The following PRPF6 variants were observed in gnomAD, a reference collection of about 807,000 sequenced individuals.
The protein encoded by PRPF6 is pre-mRNA-processing factor 6.
PRPF6 carries 42 observed loss-of-function variants against 118.3 expected under a neutral mutation model. That is an observed-to-expected ratio of 0.35 (90% CI 0.28 to 0.46). PRPF6 has a LOEUF of 0.46. PRPF6 is among the 20% of genes least tolerant of loss of function. The probability of loss-of-function intolerance (pLI) is 1.00; values close to 1 mark genes in which losing one functional copy is unlikely to be tolerated. For synonymous variants in PRPF6, 481 were observed against 485.1 expected (o/e 0.99, Z 0.11); for missense variants, 662 against 1,255.7 (o/e 0.53, Z 7.15).
intron 12 of PRPF6, among the ~76,000 whole-genome samples, chr20:64,020,625 G>A (rs816925): frequency 0.47 from 71,618 of 151,780 alleles, 17,773 homozygotes; most frequent in African/African-American, 0.6. Flanking sequence ...AAAAGATAAA[G>A]TCATTCTTGA....
intron 14 of PRPF6, 130 bp downstream of exon 14, chr20:64,024,823 GGCT>G (rs2059281093): frequency 2.2e-6 from 3 of 1,381,386 alleles, no homozygotes; most frequent in Non-Finnish European, 2.9e-6. Flanking sequence ...GGAGTCCAGG[GGCT>G]GCTCCACAGG....
intron 3 of PRPF6, among the ~76,000 whole-genome samples, chr20:63,989,519 A>G (rs991326771): frequency 1.3e-5 from 2 of 152,278 alleles, no homozygotes; most frequent in East Asian, 1.9e-4. Context: ...ACATTTATTC[A>G]TAAGTCTAGA....
At chr20:63,989,837 A>G (rs1440567359) in intron 3 of PRPF6, among the ~76,000 whole-genome samples, 1 of 152,158 alleles carries the variant, frequency 6.6e-6, no homozygotes, top group East Asian at 1.9e-4. Flanking sequence ...ACATGTAATC[A>G]TAACTTCCTG....
intron 19 of PRPF6, among the ~76,000 whole-genome samples, chr20:64,030,886 C>T (rs1046515735): frequency 2.0e-5 from 3 of 152,188 alleles, no homozygotes; most frequent in South Asian, 2.1e-4. Context: ...GGAGGCTCCT[C>T]GTGTTGTCTC....
At chr20:63,987,716 T>C (rs1209375207) in intron 3 of PRPF6, among the ~76,000 whole-genome samples, 5 of 152,162 alleles carry the variant, frequency 3.3e-5, no homozygotes, top group African/African-American at 1.2e-4. Context: ...CTAAAGACTC[T>C]ACCAAAACAC....
In PRPF6 at chr20:64,017,921, A is replaced by C. The variant is rs530649266; in HGVS notation, c.1647+1076A>C. Among the ~76,000 whole-genome samples, 15 of 152,214 alleles carry C rather than the reference A, an allele frequency of 9.9e-5. 1 individual carries two copies. The highest frequency in any genetic ancestry group is 4.6e-4 in the Admixed American group (7 of 15,280). On this transcript the variant is annotated intron_variant, in intron 12 of 20. Coordinates refer to ENST00000266079, the MANE Select transcript of PRPF6 (RefSeq NM_012469.4). ...CAGACCTTACTCAAATCTCACCCAC[A>C]GGCTGGGCATGGGGCTGACGCCTGT...
intron 3 of PRPF6, among the ~76,000 whole-genome samples, chr20:63,991,802 A>T (rs1039039683): frequency 5.3e-5 from 8 of 152,036 alleles, no homozygotes; most frequent in African/African-American, 1.7e-4. Flanking sequence ...AAAAAAAAAA[A>T]GTAGTGTACT....
At chr20:64,019,665 A>G (rs1290917042) in intron 12 of PRPF6, among the ~76,000 whole-genome samples, 3 of 152,234 alleles carry the variant, frequency 2.0e-5, no homozygotes, top group Admixed American at 2.0e-4. Flanking sequence ...ATCAGAAATC[A>G]CAGAGAGGGG....
chr20:64,027,217 C>T lies in PRPF6; in HGVS notation c.2205+59C>T. 1.3e-6 allele frequency: 2 copies of T among 1,597,284 alleles called. No individual in the cohort carries two copies. The highest frequency in any genetic ancestry group is 2.2e-5 in the East Asian group (1 of 44,530). ...GACCCGGCATTCACAAAACTGAGCC[C>T]CCTGGTGCAGGGTCATTGCCCTTCG... On this transcript the variant is annotated intron_variant, in intron 16 of 20. Transcript: ENST00000266079. The surrounding 1 kb of genome is among the most constrained non-coding windows in gnomAD (Gnocchi z 6.5).
At chr20:64,024,000 C>G (rs989932210) in intron 13 of PRPF6, among the ~76,000 whole-genome samples, 1 of 152,186 alleles carries the variant, frequency 6.6e-6, no homozygotes, top group Non-Finnish European at 1.5e-5. Context: ...GTCTTGCTGT[C>G]GCACTCACTG....
At chr20:64,022,935 T>C (rs201154718) in intron 13 of PRPF6, 57 bp downstream of exon 13, 2 of 1,612,696 alleles carry the variant, frequency 1.2e-6, no homozygotes, top group Admixed American at 1.7e-5. Context: ...GCTCCATTTG[T>C]GTAGCCCTGA....
At chr20:63,986,636 C>A (rs991966947) in intron 3 of PRPF6, among the ~76,000 whole-genome samples, 7 of 151,060 alleles carry the variant, frequency 4.6e-5, no homozygotes, top group Non-Finnish European at 7.4e-5. Flanking sequence ...CTACAGTTGC[C>A]CGCCACCACG....
chr20:64,002,790 C>T (rs1291740792), intron 9 of PRPF6, among the ~76,000 whole-genome samples: 1 of 151,468 alleles, frequency 6.6e-6, no homozygotes, highest in Non-Finnish European at 1.5e-5. Flanking sequence ...ACTACAGGCA[C>T]CTGCCACCAC....
intron 9 of PRPF6, among the ~76,000 whole-genome samples, chr20:64,003,932 A>G (rs1233635004): frequency 2.0e-5 from 3 of 152,244 alleles, no homozygotes; most frequent in Non-Finnish European, 4.4e-5. Context: ...GGCCAGGAAC[A>G]GAAAGTTAGC....
rs762659018 is a variant in PRPF6 at position 63,995,508 on chromosome 20, T to C, written c.771+26T>C. 8.1e-6 allele frequency: 13 copies of C among 1,613,758 alleles called. No homozygotes were observed. The Admixed American group carries it at 2.2e-4, about 27-fold the overall frequency. The stretch of plus-strand genomic sequence containing the variant: ...GTGAGTTTGTCACACAGCATTTTCC[T>C]GTGGACAGGTTTAGACAGTTTAATT... On this transcript the variant is annotated intron_variant, in intron 6 of 20. Transcript: ENST00000266079.
rs2059214710 is a variant in PRPF6 at position 64,011,077 on chromosome 20, C to T, written c.1306-208C>T. Among the ~76,000 whole-genome samples, 1 of 152,120 alleles carries T rather than the reference C, an allele frequency of 6.6e-6. No homozygotes were observed. Among genetic ancestry groups the T allele is most frequent in the African/African-American group, 2.4e-5 (1 of 41,420 alleles). On this transcript the variant is annotated intron_variant, in intron 10 of 20. Coordinates refer to ENST00000266079, the MANE Select transcript of PRPF6 (RefSeq NM_012469.4). The surrounding 1 kb of genome is among the most constrained non-coding windows in gnomAD (Gnocchi z 6.7). Reference sequence around the variant, plus strand: ...TCAACTGAGAATCTTTTGATGCTCACGAGAGTCACTAAATGAGTCAGAAGC... The same window carrying T: ...TCAACTGAGAATCTTTTGATGCTCATGAGAGTCACTAAATGAGTCAGAAGC...
chr20:64,015,574 C>T (rs1326475194), intron 11 of PRPF6, among the ~76,000 whole-genome samples: 1 of 152,200 alleles, frequency 6.6e-6, no homozygotes, highest in African/African-American at 2.4e-5. Context: ...GGTTATTGTT[C>T]TCTTGTTGGT....
At chr20:63,986,245 T>C (rs2059092593) in intron 3 of PRPF6, among the ~76,000 whole-genome samples, 2 of 148,040 alleles carry the variant, frequency 1.4e-5, no homozygotes, top group African/African-American at 5.0e-5. Flanking sequence ...CTTGGGAGGC[T>C]GAGGCAAGAG....
chr20:64,024,758 G>C, intron 14 of PRPF6, 65 bp downstream of exon 14: 1 of 1,573,130 alleles, frequency 6.4e-7, no homozygotes. Context: ...GGTGCTGACT[G>C]GGGCCTGAAA....
Sources: gnomAD v4.1 joint callset for allele counts (sites outside exome capture counted in the v4.1 genomes callset) on GRCh38, gnomAD v4.1.1 for gene constraint, Gnocchi (gnomAD v3.1) non-coding constraint, MANE v1.5 for transcripts, NCBI Gene and HGNC (gene_info 2026-07-23, HGNC 2026-07-21) for gene names.